Variants in NEB observed in about 807,000 individuals in gnomAD.
The protein encoded by NEB is nebulin.
In NEB, 512 loss-of-function variants were observed where a neutral mutation model predicts 952.2. The observed-to-expected ratio is 0.54, with a 90% CI of 0.50 to 0.58. The LOEUF (loss-of-function observed/expected upper bound fraction) is 0.58. Ranked by LOEUF, NEB falls within the 20% of genes least tolerant of loss-of-function variation. NEB has a pLI of 0.00. For missense variants in NEB, 8,428 were observed against 9,231.1 expected (o/e 0.91, Z 3.56); for synonymous variants, 2,900 against 3,149.8 (o/e 0.92, Z 2.66).
intron 71 of NEB, among the ~76,000 whole-genome samples, chr2:151,623,002 G>A (rs2098448418): frequency 6.6e-6 from 1 of 152,140 alleles, no homozygotes; most frequent in Non-Finnish European, 1.5e-5. Context: ...GCATTCTTGG[G>A]CAGATAATTT....
chr2:151,507,712 T>A, intron 162 of NEB: 1 of 331,904 alleles, frequency 3.0e-6, no homozygotes, highest in Non-Finnish European at 5.5e-6. Context: ...CTCTTGTTAA[T>A]CTGTCTTTTG....
At position 151,616,046 on chromosome 2, in the gene NEB, T is replaced by C; in HGVS notation, c.11245A>G (p.Ile3749Val). 1.9e-6 allele frequency: 3 copies of C among 1,613,292 alleles called. No homozygotes were observed. The highest frequency in any genetic ancestry group is 2.5e-6 in the Non-Finnish European group (3 of 1,179,664). The change falls in exon 76 of 182, where the codon ATT becomes GTT. Residue 3749 changes from isoleucine to valine, a missense_variant. Transcript: ENST00000397345. ...KEGYDLRLDA[I>V]PIQAAKASRD... ...GAAGCCTTGGCTGCTTGGATTGGAA[T>C]GGCATCCAGACGCAAGTCATAGCCT...
chr2:151,621,188 T>C (rs2098408709), intron 71 of NEB, among the ~76,000 whole-genome samples, 162 bp from the exon 72 acceptor site: 2 of 152,230 alleles, frequency 1.3e-5, no homozygotes, highest in Non-Finnish European at 2.9e-5. Context: ...TATCCTTGGA[T>C]ATTTATTTAA....
At position 151,531,433 on chromosome 2, in the gene NEB, C is replaced by T. The variant is rs1047659238; in HGVS notation, c.21523-332G>A. Among the ~76,000 whole-genome samples the T allele has an allele frequency of 2.0e-5, 3 of 150,652 alleles. No individual in the cohort carries two copies. In the Admixed American group the frequency reaches 2.0e-4, roughly 10 times the overall value. ...CTGGGCTCAAGCAATTGTCACGCCT[C>T]AGCCTCCTGAGTAGCTGGGACCACA... On this transcript the variant is annotated intron_variant, in intron 144 of 181. Transcript: ENST00000397345.
At chr2:151,591,734 A>C (rs1176635179) in intron 95 of NEB, among the ~76,000 whole-genome samples, 2 of 152,310 alleles carry the variant, frequency 1.3e-5, no homozygotes, top group African/African-American at 4.8e-5. Context: ...GGCTTTTACA[A>C]GGAAAAAGCA....
At chr2:151,701,542 C>A (rs368162542) in intron 13 of NEB, among the ~76,000 whole-genome samples, 6 of 151,068 alleles carry the variant, frequency 4.0e-5, no homozygotes, top group African/African-American at 1.2e-4. Flanking sequence ...ACAATTTCAG[C>A]TCCTGTTATT....
intron 181 of NEB, among the ~76,000 whole-genome samples, chr2:151,487,306 A>C (rs2051535586): frequency 6.6e-6 from 1 of 152,352 alleles, no homozygotes; most frequent in South Asian, 2.1e-4. Flanking sequence ...TGATAATATC[A>C]AAAGTTTCTT....
At chr2:151,674,907 G>A (rs1273864486) in intron 35 of NEB, among the ~76,000 whole-genome samples, 1 of 152,196 alleles carries the variant, frequency 6.6e-6, no homozygotes, top group Non-Finnish European at 1.5e-5. Flanking sequence ...CTCATGAAAG[G>A]AATGTCAAGA....
rs765399177 is a variant in NEB at position 151,654,005 on chromosome 2, T to G, written c.6902A>C (p.Asp2301Ala). The G allele has an allele frequency of 2.5e-6, 4 of 1,611,054 alleles. No homozygotes were observed. Among genetic ancestry groups the G allele is most frequent in the Non-Finnish European group, 2.5e-6 (3 of 1,177,674 alleles). Residue 2301 changes from aspartate to alanine, a missense_variant, in exon 52 of 182, where the codon GAC becomes GCC. Physicochemically the swap from Asp to Ala is moderately radical, Grantham distance 126. Coordinates refer to ENST00000397345, the MANE Select transcript of NEB (RefSeq NM_001164508.2). ...ACTAGTACTCACATCACTAGCAATG[T>G]CTCTTGAAGCTTTAGCTAGCTGTAC... ...ISVQLAKASR[D>A]IASDYKYKQG... is the part of the protein sequence containing the mutation.
intron 3 of NEB, among the ~76,000 whole-genome samples, chr2:151,730,551 A>G (rs2099804004): frequency 6.8e-6 from 1 of 146,010 alleles, no homozygotes. Flanking sequence ...ACAGAAGGAG[A>G]GGCTCGTTTA....
In NEB at chr2:151,650,846, G is replaced by C; in HGVS notation, c.6955C>G (p.His2319Asp). ...TCTTGCAGACTCCGGAATCCAACAT[G>C]GTGGCCAAGTTGCTTTCGGTAGCCT... ...KQGYRKQLGH[H>D]VGFRSLQDDP... is the part of the protein sequence containing the mutation. The change falls in exon 53 of 182, where the codon CAT becomes GAT. Residue 2319 changes from histidine (H) to aspartate (D), a missense_variant. By Grantham distance (81) the His-to-Asp change is moderately conservative. This residue lies in a region of NEB where 1,772 missense variants were observed against 1,960.3 expected (regional missense o/e 0.90). Coordinates refer to ENST00000397345, the MANE Select transcript of NEB (RefSeq NM_001164508.2). 6.2e-7 allele frequency: 1 copy of C among 1,613,252 alleles called. No homozygotes were observed. The highest frequency in any genetic ancestry group is 8.5e-7 in the Non-Finnish European group (1 of 1,179,408).
rs1575959051 is a variant in NEB, at chr2:151,519,597, TA to T, written c.22590+60del. The T allele has an allele frequency of 2.3e-5, 30 of 1,278,056 alleles. No individual in the cohort carries two copies. The East Asian group carries it at 6.7e-4, about 29-fold the overall frequency. The allele number at this position is 1,278,056 out of a possible 1,614,324, so 79.2% of individuals were successfully genotyped here. A position where few individuals can be genotyped will look rare whatever the true frequency, so the allele number is the denominator to read the frequency against. ...TATAAATGCTACTGAATTGCACACT[TA>T]AAAACAGTTAAAATGGCAAATACCA... is the stretch of plus-strand genomic sequence containing the variant. On this transcript the variant is annotated intron_variant, in intron 154 of 181. Transcript: ENST00000397345.
At position 151,526,250 on chromosome 2, in the gene NEB, C is replaced by T. The variant is rs1310824707; in HGVS notation, c.21958G>A (p.Glu7320Lys). 6.2e-7 allele frequency: 1 copy of T among 1,611,012 alleles called. No individual in the cohort carries two copies. The highest frequency in any genetic ancestry group is 1.3e-5 in the African/African-American group (1 of 75,010). ...TLIESDLKYK[E>K]KHVKERGTCH... ...GTTCCTCTTTCCTTGACATGTTTCTCTTTGTATTTCAGCTTCAGGGGCAGG... is the reference window on the plus strand; with the variant it reads ...GTTCCTCTTTCCTTGACATGTTTCTTTTTGTATTTCAGCTTCAGGGGCAGG... The change falls in exon 149 of 182, where the codon GAG becomes AAG. Residue 7320 changes from glutamate (E) to lysine (K), a missense_variant. This residue lies in a region of NEB where 3,374 missense variants were observed against 3,651.5 expected (regional missense o/e 0.92). Transcript: ENST00000397345.
chr2:151,547,764 G>A, intron 131 of NEB, 26 bp from the exon 132 acceptor site: 4 of 1,567,998 alleles, frequency 2.6e-6, no homozygotes, highest in Non-Finnish European at 3.5e-6. Context: ...TATCATTACA[G>A]GCATTTAGTA....
rs1282327836 is a variant in NEB at position 151,540,358 on chromosome 2, A to T, written c.20878T>A (p.Trp6960Arg). The change falls in exon 138 of 182, where the codon TGG becomes AGG. Residue 6960 changes from tryptophan to arginine, a missense_variant. Physicochemically the swap from Trp to Arg is moderately radical, Grantham distance 101. This residue lies in a region of NEB where 3,374 missense variants were observed against 3,651.5 expected (regional missense o/e 0.92). Coordinates refer to ENST00000397345, the MANE Select transcript of NEB (RefSeq NM_001164508.2). The stretch of plus-strand genomic sequence containing the variant: ...GGGATGCATACATCACTGGCATTCC[A>T]GTAAGCCCTCTTGGCTCTGATGAGG... ...PILIRAKRAY[W>R]NASDLRYKET... 2.5e-6 allele frequency: 4 copies of T among 1,578,776 alleles called. No homozygotes were observed. Among genetic ancestry groups the T allele is most frequent in the Non-Finnish European group, 1.7e-6 (2 of 1,159,720 alleles).
rs1405498595 is a variant in NEB, at chr2:151,546,410, C to G, written c.20401G>C (p.Gly6801Arg). The change falls in exon 134 of 182, where the codon GGA (glycine) becomes CGA (arginine). Residue 6801 changes from glycine to arginine, a missense_variant. Gly to Arg is a moderately radical substitution (Grantham distance 125). Around this residue, in one of 11 missense-constraint regions of NEB, gnomAD observed 3,374 missense variants for 3,651.5 expected, o/e 0.92. Coordinates refer to ENST00000397345, the MANE Select transcript of NEB (RefSeq NM_001164508.2). ...KYKEDLQVLK[G>R]FGCFLYDTPD... ...GTGTCATACAGGAAGCAGCCAAATC[C>G]CTTCAGGACCTGCAAGTCCTCTTTG... 3 of 1,613,554 alleles carry G rather than the reference C, an allele frequency of 1.9e-6. No homozygotes were observed. The highest frequency in any genetic ancestry group is 1.1e-5 in the South Asian group (1 of 91,044).
chr2:151,520,718 A>C (rs2081337363), intron 153 of NEB, among the ~76,000 whole-genome samples: 1 of 151,916 alleles, frequency 6.6e-6, no homozygotes, highest in Admixed American at 6.6e-5. Context: ...ACAAAAATTA[A>C]CTGGGCATTG....
chr2:151,581,642 CA>C (rs2097097356), intron 102 of NEB, 55 bp from the exon 103 acceptor site: 1 of 1,439,948 alleles, frequency 6.9e-7, no homozygotes, highest in South Asian at 1.2e-5. Flanking sequence ...TCAATTACCA[CA>C]TAAATAAAAT....
intron 160 of NEB, among the ~76,000 whole-genome samples, chr2:151,513,350 C>T (rs1291275013): frequency 6.6e-6 from 1 of 152,128 alleles, no homozygotes; most frequent in Non-Finnish European, 1.5e-5. Context: ...CAGTTTCTGC[C>T]CTTTGCTCTG....
Sources: gnomAD v4.1 joint callset for allele counts (sites outside exome capture counted in the v4.1 genomes callset) on GRCh38, gnomAD v4.1.1 for gene constraint, gnomAD v4.1.1 regional missense constraint, MANE v1.5 for transcripts, NCBI Gene and HGNC (gene_info 2026-07-23, HGNC 2026-07-21) for gene names.